The following ADIPOR2 variants were observed in gnomAD, a reference collection of about 807,000 sequenced individuals.
ADIPOR2 encodes the protein adiponectin receptor 2.
ADIPOR2 carries 18 observed loss-of-function variants against 40.9 expected under a neutral mutation model. The ratio of observed to expected loss-of-function variants is 0.44; its 90% CI spans 0.30 to 0.65. The LOEUF (loss-of-function observed/expected upper bound fraction) is 0.65. Ranked by LOEUF, ADIPOR2 falls within the 30% of genes least tolerant of loss-of-function variation. ADIPOR2 has a pLI of 0.09. For missense variants in ADIPOR2, 283 were observed against 479.2 expected, an observed-to-expected ratio of 0.59 and a Z score of 3.82; for synonymous variants, 165 against 166.4, an observed-to-expected ratio of 0.99 and a Z score of 0.06.
In ADIPOR2 at chr12:1,709,466, A is replaced by T. The variant is rs2094671650; in HGVS notation, c.-87+18275A>T. On this transcript the variant is annotated intron_variant, in intron 1 of 7. Transcript: ENST00000357103. Reference sequence around the variant, plus strand: ...TGTAGAAATTCCTTAATAAGTAGTCAGATGGAATTTAATTTGTTCTCATCT... The same window carrying T: ...TGTAGAAATTCCTTAATAAGTAGTCTGATGGAATTTAATTTGTTCTCATCT... 3.3e-5 allele frequency among the ~76,000 whole-genome samples: 5 copies of T among 152,340 alleles called. No homozygotes were observed. In the South Asian group the frequency reaches 1.0e-3, roughly 32 times the overall value.
intron 2 of ADIPOR2, among the ~76,000 whole-genome samples, chr12:1,755,313 T>A (rs1862103419): frequency 6.6e-6 from 1 of 152,050 alleles, no homozygotes; most frequent in Non-Finnish European, 1.5e-5. Flanking sequence ...CTCAACCTCC[T>A]TATCCACCTG....
rs1216964642 is a variant in ADIPOR2, at chr12:1,787,112, A to C, written c.*1040A>C. 6.6e-6 allele frequency: 1 copy of C among 152,134 alleles called. No homozygotes were observed. Among genetic ancestry groups the C allele is most frequent in the Non-Finnish European group, 1.5e-5 (1 of 68,022 alleles). The allele number at this position is 152,134 out of a possible 1,614,324, so 9.4% of individuals were successfully genotyped here. A position where few individuals can be genotyped will look rare whatever the true frequency, so the allele number is the denominator to read the frequency against. On this transcript the variant is annotated 3_prime_UTR_variant, in exon 8 of 8. Transcript: ENST00000357103. Reference sequence around the variant, plus strand: ...CTGTGGAGCTCTGGAACACTCTCTAAATTTCCCTCTATTAAAAATCACTGC... The same window carrying C: ...CTGTGGAGCTCTGGAACACTCTCTACATTTCCCTCTATTAAAAATCACTGC...
chr12:1,725,566 A>G (rs549408108), intron 1 of ADIPOR2, among the ~76,000 whole-genome samples: 3 of 152,370 alleles, frequency 2.0e-5, no homozygotes, highest in South Asian at 2.1e-4. Flanking sequence ...ACCTTTTGCT[A>G]AAGGAAACTA....
chr12:1,770,703 A>C (rs1862478058), intron 2 of ADIPOR2, among the ~76,000 whole-genome samples: 1 of 152,234 alleles, frequency 6.6e-6, no homozygotes, highest in African/African-American at 2.4e-5. Context: ...TTAGGAAATG[A>C]TACGCTAAAA....
chr12:1,749,599 A>G (rs965859988), intron 1 of ADIPOR2, among the ~76,000 whole-genome samples: 1 of 152,134 alleles, frequency 6.6e-6, no homozygotes, highest in Non-Finnish European at 1.5e-5. Flanking sequence ...TCATACCAAC[A>G]CAGTCTTGAC....
intron 1 of ADIPOR2, among the ~76,000 whole-genome samples, chr12:1,691,552 A>T (rs2094627077): frequency 6.6e-6 from 1 of 152,152 alleles, no homozygotes; most frequent in African/African-American, 2.4e-5. Context: ...GCCCGCGGAG[A>T]GGATCTGCCC....
rs755122466 is a variant in ADIPOR2, at chr12:1,784,014, G to A, written c.973G>A (p.Ala325Thr). 3.1e-6 allele frequency: 5 copies of A among 1,612,978 alleles called. No homozygotes were observed. Among genetic ancestry groups the A allele is most frequent in the Non-Finnish European group, 4.2e-6 (5 of 1,179,434 alleles). The change falls in exon 7 of 8, where the codon GCT (alanine) becomes ACT (threonine). Residue 325 changes from alanine to threonine, a missense_variant. Physicochemically the swap from Ala to Thr is moderately conservative, Grantham distance 58 (BLOSUM62 0). This residue lies in a region of ADIPOR2 where 106 missense variants were observed against 149.7 expected (regional missense o/e 0.71). Transcript: ENST00000357103. ...MLMASLYITG[A>T]ALYAARIPER... ...GATGGCCAGCCTCTACATCACAGGAGCTGCCCTGTATGCTGCCCGGATCCC... is the reference window on the plus strand; with the variant it reads ...GATGGCCAGCCTCTACATCACAGGAACTGCCCTGTATGCTGCCCGGATCCC...
intron 3 of ADIPOR2, among the ~76,000 whole-genome samples, chr12:1,777,385 T>TC (rs200005659): frequency 2.2e-4 from 28 of 126,580 alleles, no homozygotes; most frequent in Middle Eastern, 4.2e-3. Flanking sequence ...TTTCTTTCTT[T>TC]TTTTTTTTTT....
rs118148587 is a variant in ADIPOR2 at position 1,742,329 on chromosome 12, G to A, written c.-86-11929G>A. 5.0e-3 allele frequency among the ~76,000 whole-genome samples: 766 copies of A among 152,314 alleles called. 1 individual carries two copies. The highest frequency in any genetic ancestry group is 8.0e-3 in the Non-Finnish European group (546 of 68,020). ...GCTGGTCTTGAACTCCTGGGCTCAA[G>A]CCATCTGCCCACCTGGGCCTCCCAA... On this transcript the variant is annotated intron_variant, in intron 1 of 7. Coordinates refer to ENST00000357103, the MANE Select transcript of ADIPOR2 (RefSeq NM_024551.3).
intron 1 of ADIPOR2, among the ~76,000 whole-genome samples, chr12:1,699,503 T>C (rs1415262371): frequency 6.6e-6 from 1 of 151,908 alleles, no homozygotes; most frequent in Admixed American, 6.6e-5. Flanking sequence ...AAACAAAAAT[T>C]AGCCAGGCAT....
intron 1 of ADIPOR2, among the ~76,000 whole-genome samples, chr12:1,730,164 T>C (rs1336182295): frequency 6.6e-6 from 1 of 151,956 alleles, no homozygotes; most frequent in East Asian, 1.9e-4. Context: ...TCTCAAGAGA[T>C]AATTAGATAT....
intron 1 of ADIPOR2, among the ~76,000 whole-genome samples, chr12:1,721,703 G>C (rs185808191): frequency 2.8e-4 from 42 of 152,334 alleles, no homozygotes; most frequent in Non-Finnish European, 6.2e-4. Flanking sequence ...AGGAGAGACT[G>C]AGGGGTTGCT....
intron 2 of ADIPOR2, chr12:1,757,637 A>C: frequency 7.7e-7 from 1 of 1,297,354 alleles, no homozygotes; most frequent in Non-Finnish European, 1.1e-6. Flanking sequence ...GTGCCCCCAG[A>C]GATTTTTCTC....
chr12:1,751,823 CGTGCGTTTATA>C (rs2094769830), intron 1 of ADIPOR2, among the ~76,000 whole-genome samples: 1 of 150,646 alleles, frequency 6.6e-6, no homozygotes. Context: ...CCCGCCTGAG[CGTGCGTTTATA>C]GTCTCATAAA....
chr12:1,757,686 A>T, intron 2 of ADIPOR2: 1 of 1,317,588 alleles, frequency 7.6e-7, no homozygotes, highest in Non-Finnish European at 1.1e-6. Flanking sequence ...TAGGATGTAC[A>T]GCAAAGCGAC....
Position 1,786,642 on chromosome 12 carries a change from A to G in ADIPOR2, c.*570A>G, listed in dbSNP as rs1862843157. On this transcript the variant is annotated 3_prime_UTR_variant, in exon 8 of 8. Transcript: ENST00000357103. ...GGAGAATTTTTGTATAGAATGAAACATGCAAGTACCACACACTGTTTGAAT... is the reference window on the plus strand; with the variant it reads ...GGAGAATTTTTGTATAGAATGAAACGTGCAAGTACCACACACTGTTTGAAT... 6.5e-6 allele frequency: 1 copy of G among 153,140 alleles called. No homozygotes were observed. The highest frequency in any genetic ancestry group is 1.5e-5 in the Non-Finnish European group (1 of 68,416). 9.5% of individuals were successfully genotyped at this position (153,140 alleles called of 1,614,324 possible).
intron 1 of ADIPOR2, among the ~76,000 whole-genome samples, chr12:1,727,235 T>C (rs770646282): frequency 1.2e-4 from 19 of 152,210 alleles, no homozygotes; most frequent in Admixed American, 2.6e-4. Context: ...AAGTGTGTAC[T>C]GTATTTCTGT....
chr12:1,774,191 T>C (rs1457502768), intron 3 of ADIPOR2, among the ~76,000 whole-genome samples: 5 of 152,314 alleles, frequency 3.3e-5, no homozygotes, highest in South Asian at 2.1e-4. Context: ...CATTAGGGGA[T>C]TTTAATATTT....
At chr12:1,763,657 G>A (rs1862314763) in intron 2 of ADIPOR2, among the ~76,000 whole-genome samples, 3 of 152,244 alleles carry the variant, frequency 2.0e-5, no homozygotes, top group African/African-American at 7.2e-5. Context: ...CCACTCACTT[G>A]AACATGTTTA....
Sources: allele counts gnomAD v4.1 joint callset (sites outside exome capture counted in the v4.1 genomes callset), GRCh38; gene constraint gnomAD v4.1.1; regional missense constraint gnomAD v4.1.1; transcripts MANE v1.5; gene names NCBI Gene and HGNC (gene_info 2026-07-23, HGNC 2026-07-21).